The following JAK2 variants were observed in gnomAD, a reference collection of about 807,000 sequenced individuals.
JAK2 encodes tyrosine-protein kinase JAK2.
JAK2 carries 86 observed loss-of-function variants against 139.3 expected under a neutral mutation model. That is an observed-to-expected ratio of 0.62 (90% confidence interval 0.52 to 0.74). The LOEUF (loss-of-function observed/expected upper bound fraction) is 0.74. Ranked by LOEUF, JAK2 falls within the 30% of genes least tolerant of loss-of-function variation. JAK2 has a pLI of 0.00. For synonymous variants in JAK2, 490 were observed against 437.7 expected, an observed-to-expected ratio of 1.12 and a Z score of -1.49; for missense variants, 1,421 against 1,360.3, an observed-to-expected ratio of 1.04 and a Z score of -0.70.
At chr9:4,991,676 A>G (rs1006865932) in intron 2 of JAK2, among the ~76,000 whole-genome samples, 6 of 151,232 alleles carry the variant, frequency 4.0e-5, no homozygotes, top group African/African-American at 1.5e-4. Flanking sequence ...AAAACCAGCA[A>G]ACTCTTTCCC....
rs1822721358 is a variant in JAK2, at chr9:5,112,689, A to G, written c.3060-10315A>G. 4.4e-6 allele frequency: 4 copies of G among 917,290 alleles called. No homozygotes were observed. The South Asian group carries it at 1.2e-4, about 28-fold the overall frequency. The allele number at this position is 917,290 out of a possible 1,614,324, so 56.8% of individuals were successfully genotyped here. The stretch of plus-strand genomic sequence containing the variant: ...CACCAGGCCGTCTCGGTCATCCTGA[A>G]TTTGGAGCAGCAAGTGCGAGAGCGG... On this transcript the variant is annotated intron_variant, in intron 22 of 24. Coordinates refer to ENST00000381652, the MANE Select transcript of JAK2 (RefSeq NM_004972.4).
chr9:5,125,209 C>T (rs2130860658), intron 23 of JAK2, among the ~76,000 whole-genome samples: 1 of 150,782 alleles, frequency 6.6e-6, no homozygotes, highest in South Asian at 2.1e-4. Flanking sequence ...AAAGTATATA[C>T]AAAGAAGTAT....
chr9:4,997,567 C>T (rs1820651348), intron 2 of JAK2, among the ~76,000 whole-genome samples: 1 of 152,198 alleles, frequency 6.6e-6, no homozygotes, highest in Non-Finnish European at 1.5e-5. Context: ...GATCAAGTCA[C>T]CTCCCACCAG....
In JAK2 at chr9:5,002,388, G is replaced by T. The variant is rs942392225; in HGVS notation, c.-26+16366G>T. ...TGATTTCCCTTTTAATTTCTTCTTCGAACCTGGGATTATTTAGAACTATGT... is the reference window on the plus strand; with the variant it reads ...TGATTTCCCTTTTAATTTCTTCTTCTAACCTGGGATTATTTAGAACTATGT... On this transcript the variant is annotated intron_variant, in intron 2 of 24. Transcript: ENST00000381652. Among the ~76,000 whole-genome samples, 5 of 151,616 alleles carry T rather than the reference G, an allele frequency of 3.3e-5. No individual in the cohort carries two copies. The East Asian group carries it at 9.7e-4, about 29-fold the overall frequency.
intron 22 of JAK2, among the ~76,000 whole-genome samples, chr9:5,113,191 CTTTTTTTTT>C (rs531374595): frequency 5.4e-4 from 31 of 57,158 alleles, no homozygotes; most frequent in African/African-American, 9.8e-4. Context: ...CTGGCAGGAG[CTTTTTTTTT>C]TTTTTTTTTT....
intron 2 of JAK2, among the ~76,000 whole-genome samples, chr9:4,998,959 C>T (rs1367898877): frequency 6.6e-6 from 1 of 150,908 alleles, no homozygotes; most frequent in Admixed American, 6.6e-5. Context: ...GTAGCTGGGA[C>T]TACAGGTGCC....
chr9:5,094,710 G>A lies in JAK2; in HGVS notation c.3059+3799G>A, dbSNP rs1424142925. On this transcript the variant is annotated intron_variant, in intron 22 of 24. Coordinates refer to ENST00000381652, the MANE Select transcript of JAK2 (RefSeq NM_004972.4). ...AGAACTAGTTTCAGGCTTCAATGTC[G>A]AATATGCTGCAAGTTCATTTGCCCT... 3.3e-5 allele frequency: 5 copies of A among 152,092 alleles called. 1 individual carries two copies. The South Asian group carries it at 8.3e-4, about 25-fold the overall frequency. 9.4% of individuals were successfully genotyped at this position (152,092 alleles called of 1,614,324 possible).
intron 4 of JAK2, among the ~76,000 whole-genome samples, chr9:5,033,059 A>C (rs1823289014): frequency 6.6e-6 from 1 of 152,246 alleles, no homozygotes; most frequent in African/African-American, 2.4e-5. Context: ...AAAGGACCTG[A>C]TGGAGCTGAA....
chr9:5,050,944 C>T, intron 6 of JAK2, 113 bp downstream of exon 6: 1 of 845,470 alleles, frequency 1.2e-6, no homozygotes, highest in Non-Finnish European at 1.9e-6. Context: ...TAGTTAAGTA[C>T]TCCTTATCTA....
intron 22 of JAK2, chr9:5,109,736 C>G (rs1325283830): frequency 6.6e-6 from 1 of 152,144 alleles, no homozygotes; most frequent in African/African-American, 2.4e-5. Context: ...GACTACTTCT[C>G]CATAATATTT....
intron 22 of JAK2, chr9:5,110,836 G>C (rs978987759): frequency 8.7e-6 from 4 of 458,052 alleles, no homozygotes; most frequent in Non-Finnish European, 1.7e-5. Flanking sequence ...TTTGTTCGGG[G>C]AAGGTGGGGG....
chr9:4,991,721 A>G lies in JAK2; in HGVS notation c.-26+5699A>G, dbSNP rs1306877763. On this transcript the variant is annotated intron_variant, in intron 2 of 24. Transcript: ENST00000381652. Reference sequence around the variant, plus strand: ...CCCCACATCTCCTTTTCTAGTCTCTAATTCCTGTACACCAGGCAACCACCT... The same window carrying G: ...CCCCACATCTCCTTTTCTAGTCTCTGATTCCTGTACACCAGGCAACCACCT... Among the ~76,000 whole-genome samples the G allele has an allele frequency of 2.7e-5, 3 of 111,404 alleles. No individual in the cohort carries two copies. In the Admixed American group the frequency reaches 4.4e-4, roughly 16 times the overall value. The allele number at this position is 111,404 out of a possible 152,430, so 73.1% of individuals were successfully genotyped here.
intron 2 of JAK2, among the ~76,000 whole-genome samples, chr9:5,020,055 G>A (rs977066131): frequency 1.3e-5 from 2 of 152,176 alleles, no homozygotes; most frequent in African/African-American, 4.8e-5. Context: ...GGCAGTGATG[G>A]GCTGGGCAGC....
chr9:4,991,195 A>G (rs1820220220), intron 2 of JAK2, among the ~76,000 whole-genome samples: 1 of 152,236 alleles, frequency 6.6e-6, no homozygotes, highest in Non-Finnish European at 1.5e-5. Context: ...ACTGGAAAGA[A>G]CAAAGAGAAG....
At chr9:5,027,076 T>C (rs1166615778) in intron 3 of JAK2, among the ~76,000 whole-genome samples, 2 of 152,236 alleles carry the variant, frequency 1.3e-5, no homozygotes, top group Non-Finnish European at 2.9e-5. Context: ...ATTTTTATTA[T>C]ACCTCCAGTT....
rs61225811 is a variant in JAK2, at chr9:5,075,924, C to CA, written c.1865-1525dup. ...GCATTCATGGTTCATGGAAGGAGAT[C>CA]AAAATGGCAGCATTAATAGGAATTT... On this transcript the variant is annotated intron_variant, in intron 14 of 24. Transcript: ENST00000381652. 6.0e-3 allele frequency among the ~76,000 whole-genome samples: 915 copies of CA among 152,164 alleles called. 14 individuals carry two copies. The highest frequency in any genetic ancestry group is 0.021 in the African/African-American group (875 of 41,522).
chr9:5,128,080 T>TTGTGTGTGTGTGTGTGTGTGTGTG lies in JAK2; in HGVS notation c.*1307_*1330dup, dbSNP rs139964957. On this transcript the variant is annotated 3_prime_UTR_variant, in exon 25 of 25. Coordinates refer to ENST00000381652, the MANE Select transcript of JAK2 (RefSeq NM_004972.4). ...TAGCTAAAATAAAATATGGTGGGTT[T>TTGTGTGTGTGTGTGTGTGTGTGTG]TGTGTGTGTGTGTGTGTGTGTGTGT... 4 of 215,658 alleles carry TTGTGTGTGTGTGTGTGTGTGTGTG rather than the reference T, an allele frequency of 1.9e-5. No homozygotes were observed. Among genetic ancestry groups the TTGTGTGTGTGTGTGTGTGTGTGTG allele is most frequent in the African/African-American group, 9.4e-5 (4 of 42,664 alleles). The allele number at this position is 215,658 out of a possible 1,614,324, so 13.4% of individuals were successfully genotyped here.
chr9:4,990,558 C>T (rs1820183241), intron 2 of JAK2, among the ~76,000 whole-genome samples: 1 of 151,576 alleles, frequency 6.6e-6, no homozygotes, highest in Non-Finnish European at 1.5e-5. Context: ...GTGGGATTGC[C>T]CATAATTAGC....
chr9:5,114,700 C>T, intron 22 of JAK2: 1 of 406,746 alleles, frequency 2.5e-6, no homozygotes. Flanking sequence ...CTGGAGGTTA[C>T]CAGGGCTGAA....
Sources: allele counts gnomAD v4.1 joint callset (sites outside exome capture counted in the v4.1 genomes callset), GRCh38; gene constraint gnomAD v4.1.1; transcripts MANE v1.5; gene names NCBI Gene and HGNC (gene_info 2026-07-23, HGNC 2026-07-21).